THAP2: variants seen among roughly 807,000 people sequenced by gnomAD.
THAP2 encodes the protein THAP domain containing 2, also known as THAP domain-containing protein 2.
A neutral mutation model predicts 18.8 loss-of-function variants in THAP2; 16 were observed. The ratio of observed to expected loss-of-function variants is 0.85; its 90% CI spans 0.58 to 1.29. The LOEUF is 1.29. THAP2 is among the 50% of genes most tolerant of loss of function. The pLI, the probability that THAP2 is intolerant of heterozygous loss-of-function variation, is 0.00. For synonymous variants in THAP2, 80 were observed against 89.2 expected, an observed-to-expected ratio of 0.90 and a Z score of 0.58; for missense variants, 251 against 265.3, an observed-to-expected ratio of 0.95 and a Z score of 0.38.
rs1023609332 is a variant in THAP2 at position 71,677,584 on chromosome 12, G to T, written c.*476G>T. The T allele has an allele frequency of 4.6e-5, 7 of 152,060 alleles. No homozygotes were observed. The highest frequency in any genetic ancestry group is 1.7e-4 in the African/African-American group (7 of 41,420). The allele number at this position is 152,060 out of a possible 1,614,324, so 9.4% of individuals were successfully genotyped here. A position where few individuals can be genotyped will look rare whatever the true frequency, so the allele number is the denominator to read the frequency against. ...ATTTGAAAAATTTATAGAAAAAAAG[G>T]TACAGGGCAAGTTTTTAAATTAAAA... is the stretch of plus-strand genomic sequence containing the variant. On this transcript the variant is annotated 3_prime_UTR_variant, in exon 3 of 3. Coordinates refer to ENST00000308086, the MANE Select transcript of THAP2 (RefSeq NM_031435.4).
intron 1 of THAP2, among the ~76,000 whole-genome samples, chr12:71,666,482 C>A (rs909158935): frequency 6.6e-6 from 1 of 151,934 alleles, no homozygotes; most frequent in Non-Finnish European, 1.5e-5. Flanking sequence ...CACTGTACTC[C>A]AGCCTGGGCA....
intron 2 of THAP2, among the ~76,000 whole-genome samples, chr12:71,676,039 GATTC>G (rs1454473757): frequency 6.6e-6 from 1 of 151,894 alleles, no homozygotes; most frequent in Non-Finnish European, 1.5e-5. Flanking sequence ...GAGAGGAGAG[GATTC>G]ATGGTAGGAA....
chr12:71,669,226 T>C (rs916551994), intron 1 of THAP2, among the ~76,000 whole-genome samples: 1 of 152,128 alleles, frequency 6.6e-6, no homozygotes, highest in Admixed American at 6.5e-5. Context: ...GATAGAAAAG[T>C]AAACAAAAAA....
chr12:71,665,128 AG>A (rs1413879367), intron 1 of THAP2: 1 of 568,472 alleles, frequency 1.8e-6, no homozygotes, highest in African/African-American at 1.9e-5. Context: ...AGTAATAAAA[AG>A]AACCTAGGTT....
intron 1 of THAP2, chr12:71,665,467 G>C (rs1881319702): frequency 6.4e-6 from 1 of 155,372 alleles, no homozygotes; most frequent in South Asian, 1.8e-4. Flanking sequence ...TTTTAAACTA[G>C]TTCATGCATA....
Position 71,676,566 on chromosome 12 carries a change from T to C in THAP2, c.268-123T>C, listed in dbSNP as rs1881522964. 14 of 985,416 alleles carry C rather than the reference T, an allele frequency of 1.4e-5. No homozygotes were observed. The South Asian group carries it at 2.4e-4, about 17-fold the overall frequency. 61.0% of individuals were successfully genotyped at this position (985,416 alleles called of 1,614,324 possible). A position where few individuals can be genotyped will look rare whatever the true frequency, so the allele number is the denominator to read the frequency against. ...ATGAGATGGCTGCTGCTGTTTCCTA[T>C]TAAAGTTTTAAAATTGACTTTTAAA... On this transcript the variant is annotated intron_variant, in intron 2 of 2. Coordinates refer to ENST00000308086, the MANE Select transcript of THAP2 (RefSeq NM_031435.4).
rs557157252 is a variant in THAP2 at position 71,670,620 on chromosome 12, G to A, written c.72-3583G>A. 7.7e-4 allele frequency among the ~76,000 whole-genome samples: 117 copies of A among 152,182 alleles called. 5 individuals are homozygous for A. The South Asian group carries it at 0.024, about 31-fold the overall frequency. The stretch of plus-strand genomic sequence containing the variant: ...TTCTGTACAGTATTCTTAGAATAAA[G>A]TAAGCCAGAGAAAAGAAAATGTTAT... On this transcript the variant is annotated intron_variant, in intron 1 of 2. Coordinates refer to ENST00000308086, the MANE Select transcript of THAP2 (RefSeq NM_031435.4).
At chr12:71,665,429 C>A (rs1331527026) in intron 1 of THAP2, 3 of 155,104 alleles carry the variant, frequency 1.9e-5, no homozygotes, top group African/African-American at 7.2e-5. Flanking sequence ...AAAGCTGCCA[C>A]TTAAAAAAAA....
At chr12:71,670,340 G>T (rs1250212801) in intron 1 of THAP2, among the ~76,000 whole-genome samples, 1 of 152,192 alleles carries the variant, frequency 6.6e-6, no homozygotes, top group Non-Finnish European at 1.5e-5. Flanking sequence ...ACATGTCAAT[G>T]TTGATTCTTA....
Position 71,664,586 on chromosome 12 carries a change from C to T in THAP2, c.71+6C>T. On this transcript the variant is annotated splice_donor_region_variant and intron_variant, in intron 1 of 2. Coordinates refer to ENST00000308086, the MANE Select transcript of THAP2 (RefSeq NM_031435.4). ...ATTAACATCAGCTTCCACAGGTAAC[C>T]TGGGCAGGGAGTGGGGGTGACGGAA... 1 of 1,614,150 alleles carries T rather than the reference C, an allele frequency of 6.2e-7. No homozygotes were observed. The highest frequency in any genetic ancestry group is 8.5e-7 in the Non-Finnish European group (1 of 1,180,000).
chr12:71,676,273 A>C (rs572779512), intron 2 of THAP2, among the ~76,000 whole-genome samples: 46 of 152,230 alleles, frequency 3.0e-4, no homozygotes, highest in African/African-American at 1.1e-3. Context: ...CTGGGTCTAA[A>C]ATATTTATCA....
chr12:71,664,555 A>C lies in THAP2; in HGVS notation c.46A>C (p.Lys16Gln), dbSNP rs1163997339. Reference protein sequence around the residue: ...AAAGCATTYNKHINISFHRFP... With the variant: ...AAAGCATTYNQHINISFHRFP... ...GGCGGGCTGTGCCACTACCTACAAC[A>C]AGCACATTAACATCAGCTTCCACAG... Residue 16 changes from lysine (K) to glutamine (Q), a missense_variant, in exon 1 of 3, where the codon AAG (lysine) becomes CAG (glutamine). Coordinates refer to ENST00000308086, the MANE Select transcript of THAP2 (RefSeq NM_031435.4). The C allele has an allele frequency of 6.2e-7, 1 of 1,613,990 alleles. No individual in the cohort carries two copies. The highest frequency in any genetic ancestry group is 8.5e-7 in the Non-Finnish European group (1 of 1,180,022).
chr12:71,677,270 G>T lies in THAP2; in HGVS notation c.*162G>T. 1.6e-6 allele frequency: 1 copy of T among 639,104 alleles called. No homozygotes were observed. Among genetic ancestry groups the T allele is most frequent in the African/African-American group, 1.9e-5 (1 of 52,454 alleles). The allele number at this position is 639,104 out of a possible 1,614,324, so 39.6% of individuals were successfully genotyped here. On this transcript the variant is annotated 3_prime_UTR_variant, in exon 3 of 3. Coordinates refer to ENST00000308086, the MANE Select transcript of THAP2 (RefSeq NM_031435.4). ...ACAAAAGAATAAAAAACTTCATATG[G>T]AAATTTTATTTGAAAATGAGTGGAA... is the stretch of plus-strand genomic sequence containing the variant.
At chr12:71,675,512 CAAAAA>C (rs1240161942) in intron 2 of THAP2, among the ~76,000 whole-genome samples, 1 of 152,002 alleles carries the variant, frequency 6.6e-6, no homozygotes, top group East Asian at 1.9e-4. Flanking sequence ...ATACAAAGAT[CAAAAA>C]AGAGTTCCTG....
intron 1 of THAP2, chr12:71,667,438 T>G (rs1881362253): frequency 6.6e-6 from 1 of 152,198 alleles, no homozygotes. Flanking sequence ...ATAGGCCAAG[T>G]GTCTACTCAG....
In THAP2 at chr12:71,677,305, A is replaced by G; in HGVS notation, c.*197A>G. On this transcript the variant is annotated 3_prime_UTR_variant, in exon 3 of 3. Coordinates refer to ENST00000308086, the MANE Select transcript of THAP2 (RefSeq NM_031435.4). The stretch of plus-strand genomic sequence containing the variant: ...TTGAAAATGAGTGGAAGTGCCTTAC[A>G]TTAGAATTACGGACTTAAAAATTTT... 2.2e-6 allele frequency: 1 copy of G among 461,510 alleles called. No individual in the cohort carries two copies. 28.6% of individuals were successfully genotyped at this position (461,510 alleles called of 1,614,324 possible).
rs945526446 is a variant in THAP2 at position 71,678,467 on chromosome 12, T to G, written c.*1359T>G. 3 of 152,634 alleles carry G rather than the reference T, an allele frequency of 2.0e-5. No individual in the cohort carries two copies. The highest frequency in any genetic ancestry group is 7.2e-5 in the African/African-American group (3 of 41,460). 9.5% of individuals were successfully genotyped at this position (152,634 alleles called of 1,614,324 possible). ...CACTTGAACAATTAAAGGGTTTGCT[T>G]TATTTCACTAATGTTTAATAGGAAC... On this transcript the variant is annotated 3_prime_UTR_variant, in exon 3 of 3. Coordinates refer to ENST00000308086, the MANE Select transcript of THAP2 (RefSeq NM_031435.4).
intron 1 of THAP2, among the ~76,000 whole-genome samples, chr12:71,666,757 C>CA (rs1385159926): frequency 1.3e-5 from 2 of 151,870 alleles, no homozygotes; most frequent in African/African-American, 4.8e-5. Context: ...CTTTTTGAGA[C>CA]AGAGTCTCAT....
chr12:71,671,420 G>T (rs1297605013), intron 1 of THAP2, among the ~76,000 whole-genome samples: 1 of 152,174 alleles, frequency 6.6e-6, no homozygotes, highest in Non-Finnish European at 1.5e-5. Flanking sequence ...GCTGTCTTCT[G>T]TTAATTCCTC....
Sources: gnomAD v4.1 joint callset for allele counts (sites outside exome capture counted in the v4.1 genomes callset) on GRCh38, gnomAD v4.1.1 for gene constraint, MANE v1.5 for transcripts, NCBI Gene and HGNC (gene_info 2026-07-23, HGNC 2026-07-21) for gene names.